The following ZNF804A variants were observed in gnomAD, a reference collection of about 807,000 sequenced individuals.
ZNF804A encodes zinc finger protein 804A.
A neutral mutation model predicts 16.5 loss-of-function variants in ZNF804A; 2 were observed. That is an observed-to-expected ratio of 0.12 (90% CI 0.05 to 0.38). The LOEUF is 0.38. Among genes scored for constraint, ZNF804A ranks in the 10% least tolerant of loss-of-function variants. The probability of loss-of-function intolerance (pLI) is 0.99; values close to 1 mark genes in which losing one functional copy is unlikely to be tolerated. For missense variants in ZNF804A, 1,473 were observed against 1,390.7 expected, an observed-to-expected ratio of 1.06 and a Z score of -0.94; for synonymous variants, 534 against 489.6, an observed-to-expected ratio of 1.09 and a Z score of -1.20.
At chr2:184,909,098 A>AT (rs1412965434) in intron 2 of ZNF804A, among the ~76,000 whole-genome samples, 2 of 151,946 alleles carry the variant, frequency 1.3e-5, no homozygotes, top group Non-Finnish European at 2.9e-5. Flanking sequence ...ATGAACTGCT[A>AT]TTTTTTCACT....
chr2:184,853,278 A>G (rs1695633444), intron 1 of ZNF804A, among the ~76,000 whole-genome samples: 2 of 151,994 alleles, frequency 1.3e-5, no homozygotes, highest in East Asian at 1.9e-4. Flanking sequence ...TGTTGATTGC[A>G]TATACTACAA....
chr2:184,743,293 G>A (rs1693735925), intron 1 of ZNF804A, among the ~76,000 whole-genome samples: 1 of 151,922 alleles, frequency 6.6e-6, no homozygotes, highest in South Asian at 2.1e-4. Context: ...CAATGAATCA[G>A]CAAGTTACAT....
intron 2 of ZNF804A, among the ~76,000 whole-genome samples, chr2:184,909,455 T>G (rs1685324457): frequency 6.6e-6 from 1 of 152,060 alleles, no homozygotes; most frequent in African/African-American, 2.4e-5. Context: ...AAGCATAAAG[T>G]GCATTCTAAA....
intron 1 of ZNF804A, among the ~76,000 whole-genome samples, chr2:184,653,111 CCTT>C (rs1263144545): frequency 6.6e-6 from 1 of 152,100 alleles, no homozygotes; most frequent in African/African-American, 2.4e-5. Context: ...GACAAATACA[CCTT>C]CTCTGATTCT....
chr2:184,725,008 C>T (rs574398322), intron 1 of ZNF804A, among the ~76,000 whole-genome samples: 20 of 151,826 alleles, frequency 1.3e-4, no homozygotes, highest in African/African-American at 4.6e-4. Context: ...TGAATACATA[C>T]AGTTATTCCT....
intron 1 of ZNF804A, among the ~76,000 whole-genome samples, chr2:184,622,558 T>C (rs1691436084): frequency 6.6e-6 from 1 of 152,000 alleles, no homozygotes; most frequent in African/African-American, 2.4e-5. Context: ...TTTCATTCTA[T>C]TGAAACCAAT....
At chr2:184,669,763 C>G (rs865958179) in intron 1 of ZNF804A, among the ~76,000 whole-genome samples, 2 of 40,202 alleles carry the variant, frequency 5.0e-5, no homozygotes, top group Admixed American at 3.6e-4. Context: ...CACACACACA[C>G]GCACACACAC....
At chr2:184,922,864 T>A (rs78706988) in intron 2 of ZNF804A, among the ~76,000 whole-genome samples, 14,656 of 152,124 alleles carry the variant, frequency 0.096, 957 homozygotes, top group South Asian at 0.16. Flanking sequence ...TGAAAGTGAG[T>A]TCACTGTAGA....
At chr2:184,837,352 C>T (rs766116041) in intron 1 of ZNF804A, among the ~76,000 whole-genome samples, 5 of 152,112 alleles carry the variant, frequency 3.3e-5, no homozygotes, top group Admixed American at 2.6e-4. Context: ...TATTTTCTAG[C>T]GTTAATTTTA....
At chr2:184,915,373 A>G (rs1319221262) in intron 2 of ZNF804A, among the ~76,000 whole-genome samples, 1 of 152,126 alleles carries the variant, frequency 6.6e-6, no homozygotes, top group Non-Finnish European at 1.5e-5. Flanking sequence ...GTTGAGCCAT[A>G]TCTCTTAACC....
At chr2:184,858,146 T>C (rs1695733385) in intron 1 of ZNF804A, among the ~76,000 whole-genome samples, 2 of 152,184 alleles carry the variant, frequency 1.3e-5, no homozygotes, top group Non-Finnish European at 1.5e-5. Context: ...TATTTTTGCT[T>C]TGTGGTTACT....
At chr2:184,922,732 T>A (rs976948436) in intron 2 of ZNF804A, among the ~76,000 whole-genome samples, 8 of 151,916 alleles carry the variant, frequency 5.3e-5, no homozygotes, top group African/African-American at 1.9e-4. Flanking sequence ...TTGGTGGGAT[T>A]TTTGCATATG....
chr2:184,935,841 A>G lies in ZNF804A; in HGVS notation c.445A>G (p.Asn149Asp). The change falls in exon 4 of 4, where the codon AAT becomes GAT. Residue 149 changes from asparagine (N) to aspartate (D), a missense_variant. By Grantham distance (23) the Asn-to-Asp change is conservative. Transcript: ENST00000302277. ...STTVTVRENC[N>D]EISQRVVVDS... Reference sequence around the variant, plus strand: ...AACTGTTACTGTGAGAGAAAACTGTAATGAAATTTCCCAACGAGTTGTTGT... The same window carrying G: ...AACTGTTACTGTGAGAGAAAACTGTGATGAAATTTCCCAACGAGTTGTTGT... 6.2e-7 allele frequency: 1 copy of G among 1,613,624 alleles called. No homozygotes were observed. Among genetic ancestry groups the G allele is most frequent in the Non-Finnish European group, 8.5e-7 (1 of 1,179,758 alleles).
chr2:184,810,043 C>T (rs1694867945), intron 1 of ZNF804A, among the ~76,000 whole-genome samples: 2 of 152,100 alleles, frequency 1.3e-5, no homozygotes, highest in Admixed American at 1.3e-4. Context: ...TTTTTGTCTG[C>T]AGATTATGAA....
chr2:184,722,935 A>T (rs921406080), intron 1 of ZNF804A, among the ~76,000 whole-genome samples: 2 of 152,114 alleles, frequency 1.3e-5, no homozygotes, highest in African/African-American at 4.8e-5. Context: ...GTGTGCAGCC[A>T]TTCAAAACAG....
At chr2:184,745,148 A>C (rs916092635) in intron 1 of ZNF804A, among the ~76,000 whole-genome samples, 2 of 151,854 alleles carry the variant, frequency 1.3e-5, no homozygotes, top group African/African-American at 4.8e-5. Context: ...TTTTACATGT[A>C]TAGCACAAAA....
chr2:184,796,070 C>T (rs1201480691), intron 1 of ZNF804A, among the ~76,000 whole-genome samples: 2 of 152,052 alleles, frequency 1.3e-5, no homozygotes, highest in Non-Finnish European at 2.9e-5. Flanking sequence ...ATGAAACCCA[C>T]TTGATCATGT....
intron 1 of ZNF804A, among the ~76,000 whole-genome samples, chr2:184,643,255 T>C (rs1244660950): frequency 1.3e-5 from 2 of 152,062 alleles, no homozygotes; most frequent in Non-Finnish European, 1.5e-5. Context: ...AAATATAGTA[T>C]AGTGAAAGGT....
intron 2 of ZNF804A, among the ~76,000 whole-genome samples, chr2:184,894,054 TACTC>T (rs1685026764): frequency 1.3e-5 from 2 of 152,190 alleles, no homozygotes; most frequent in East Asian, 3.9e-4. Flanking sequence ...ATTTTTATGA[TACTC>T]TGTTTGAGAA....
Sources: allele counts gnomAD v4.1 joint callset (sites outside exome capture counted in the v4.1 genomes callset), GRCh38; gene constraint gnomAD v4.1.1; transcripts MANE v1.5; gene names NCBI Gene and HGNC (gene_info 2026-07-23, HGNC 2026-07-21).